Variants in IL5 observed in about 807,000 individuals in gnomAD.
IL5 encodes the protein interleukin-5.
In IL5, 12 loss-of-function variants were observed where a neutral mutation model predicts 16.3. The observed-to-expected ratio is 0.74, with a 90% CI of 0.47 to 1.20. The LOEUF (loss-of-function observed/expected upper bound fraction) is 1.20. IL5 is among the 50% of genes most tolerant of loss of function. The pLI is 0.00. For synonymous variants in IL5, 54 were observed against 56.6 expected (o/e 0.95, Z 0.21); for missense variants, 159 against 153.9 (o/e 1.03, Z -0.17).
chr5:132,546,329 G>C (rs1237345184), upstream of IL5, among the ~76,000 whole-genome samples: 1 of 151,928 alleles, frequency 6.6e-6, no homozygotes, highest in East Asian at 1.9e-4. Context: ...CATTCTCCCA[G>C]CACCTTGCAA....
rs1749691760 is a variant in IL5 at position 132,541,668 on chromosome 5, T to A, written c.*143A>T. 1.1e-5 allele frequency: 6 copies of A among 535,808 alleles called. No individual in the cohort carries two copies. The South Asian group carries it at 1.8e-4, about 16-fold the overall frequency. 33.2% of individuals were successfully genotyped at this position (535,808 alleles called of 1,614,324 possible). A position where few individuals can be genotyped will look rare whatever the true frequency, so the allele number is the denominator to read the frequency against. The stretch of plus-strand genomic sequence containing the variant: ...GAATTTTATGCTTTCTGGCAAAGTG[T>A]CAGTATGCCTGAAATATTTACTTTC... On this transcript the variant is annotated 3_prime_UTR_variant, in exon 4 of 4. Transcript: ENST00000231454.
intron 1 of IL5, 30 bp downstream of exon 1, chr5:132,543,305 A>G (rs764851944): frequency 6.3e-7 from 1 of 1,596,712 alleles, no homozygotes; most frequent in African/African-American, 1.3e-5. Flanking sequence ...TATGCACTTT[A>G]CAGACTGTAG....
upstream of IL5, among the ~76,000 whole-genome samples, chr5:132,544,238 C>T (rs1404383911): frequency 6.6e-6 from 1 of 152,174 alleles, no homozygotes; most frequent in Non-Finnish European, 1.5e-5. Context: ...GTATTCTGTT[C>T]ATGAGCAGCA....
chr5:132,544,670 C>T (rs1305846718), upstream of IL5, among the ~76,000 whole-genome samples: 1 of 152,178 alleles, frequency 6.6e-6, no homozygotes, highest in Non-Finnish European at 1.5e-5. Context: ...TTTTCCCTGG[C>T]CTGAACACAT....
chr5:132,546,788 G>A (rs934636741), upstream of IL5, among the ~76,000 whole-genome samples: 1 of 152,122 alleles, frequency 6.6e-6, no homozygotes, highest in East Asian at 1.9e-4. Context: ...CACTTTGGGA[G>A]GCTGAGGCGG....
chr5:132,552,439 A>AT lies in IL5; in HGVS notation c.42+4234dup, dbSNP rs570508004. Reference sequence around the variant, plus strand: ...TTACTAAGAAGTGGAGACTTCACTGATTTGCCTTTTTATTTTAGGGATTAA... The same window carrying AT: ...TTACTAAGAAGTGGAGACTTCACTGATTTTGCCTTTTTATTTTAGGGATTAA... On this transcript the variant is annotated intron_variant, in intron 1 of 2. Transcript: ENST00000450655. Among the ~76,000 whole-genome samples, 82 of 152,236 alleles carry AT rather than the reference A, an allele frequency of 5.4e-4. No homozygotes were observed. The East Asian group carries it at 0.013, about 23-fold the overall frequency.
chr5:132,546,188 A>G (rs950765823), upstream of IL5, among the ~76,000 whole-genome samples: 7 of 152,108 alleles, frequency 4.6e-5, no homozygotes, highest in Non-Finnish European at 7.4e-5. Flanking sequence ...TATCTTAACC[A>G]TTTTTTTAAG....
upstream of IL5, among the ~76,000 whole-genome samples, chr5:132,545,490 A>G (rs546556254): frequency 6.6e-6 from 1 of 152,234 alleles, no homozygotes; most frequent in African/African-American, 2.4e-5. Context: ...CCATCTCTAG[A>G]AAAAATAAAA....
intron 2 of IL5, among the ~76,000 whole-genome samples, 169 bp from the exon 3 acceptor site, chr5:132,542,312 C>T (rs1259414203): frequency 6.6e-6 from 1 of 152,098 alleles, no homozygotes; most frequent in Non-Finnish European, 1.5e-5. Context: ...CAATTTTGGT[C>T]CACAAAGTTA....
At chr5:132,544,633 G>C (rs1227164159), upstream of IL5, among the ~76,000 whole-genome samples, 1 of 152,164 alleles carries the variant, frequency 6.6e-6, no homozygotes, top group African/African-American at 2.4e-5. Context: ...GTACAAATGA[G>C]GCCCCCTCCT....
At chr5:132,554,133 C>G (rs1422706815) in intron 1 of IL5, among the ~76,000 whole-genome samples, 2 of 151,524 alleles carry the variant, frequency 1.3e-5, no homozygotes, top group Non-Finnish European at 2.9e-5. Context: ...TTTGGGAGGC[C>G]GAGGCGGGTG....
At chr5:132,555,104 T>C (rs1250000136) in intron 1 of IL5, among the ~76,000 whole-genome samples, 1 of 152,156 alleles carries the variant, frequency 6.6e-6, no homozygotes, top group African/African-American at 2.4e-5. Context: ...CCTATGAGAA[T>C]CTAATGCCCC....
chr5:132,555,856 A>T (rs1749974119), intron 1 of IL5, among the ~76,000 whole-genome samples: 1 of 150,862 alleles, frequency 6.6e-6, no homozygotes, highest in South Asian at 2.1e-4. Context: ...TTTTAAAATA[A>T]AAAAAGGTCT....
At chr5:132,548,564 T>C (rs1749831504) in intron 1 of IL5, among the ~76,000 whole-genome samples, 1 of 152,218 alleles carries the variant, frequency 6.6e-6, no homozygotes. Flanking sequence ...AGCCATTGTC[T>C]ATGTGGAGTT....
At chr5:132,549,432 G>A (rs1156238937) in intron 1 of IL5, among the ~76,000 whole-genome samples, 1 of 152,174 alleles carries the variant, frequency 6.6e-6, no homozygotes, top group Non-Finnish European at 1.5e-5. Context: ...CTGGGCAAAA[G>A]AGAGCAAAGC....
At position 132,543,401 on chromosome 5, in the gene IL5, TGTG is replaced by T. The variant is rs755713715; in HGVS notation, c.75_77del (p.Thr26del). ...CCAAGGTCTCTTTCACCAATGCACTTGTGGGAATTTCTGTGGGGATGGCATACA... is the reference window on the plus strand; with the variant it reads ...CCAAGGTCTCTTTCACCAATGCACTTGGAATTTCTGTGGGGATGGCATACA... On this transcript the variant is annotated inframe_deletion, in exon 1 of 4. Transcript: ENST00000231454. 1.5e-5 allele frequency: 25 copies of T among 1,614,200 alleles called. No homozygotes were observed. In the East Asian group the frequency reaches 5.3e-4, roughly 35 times the overall value.
chr5:132,546,487 T>C (rs562082825), upstream of IL5, among the ~76,000 whole-genome samples: 36 of 152,314 alleles, frequency 2.4e-4, no homozygotes, highest in African/African-American at 7.9e-4. Flanking sequence ...ATTTTCTTCC[T>C]TTTTAAGGCT....
intron 1 of IL5, among the ~76,000 whole-genome samples, chr5:132,553,269 G>A (rs1035517363): frequency 6.6e-5 from 10 of 152,134 alleles, no homozygotes; most frequent in Non-Finnish European, 1.3e-4. Flanking sequence ...CCAACCCTGT[G>A]TTGCTGTTAG....
At chr5:132,553,768 C>G (rs1749922034) in intron 1 of IL5, among the ~76,000 whole-genome samples, 2 of 151,532 alleles carry the variant, frequency 1.3e-5, no homozygotes, top group Non-Finnish European at 2.9e-5. Flanking sequence ...AACCCCGTCT[C>G]TACTAAAAAT....
Sources: gnomAD v4.1 joint callset for allele counts (sites outside exome capture counted in the v4.1 genomes callset) on GRCh38, gnomAD v4.1.1 for gene constraint, MANE v1.5 for transcripts, NCBI Gene and HGNC (gene_info 2026-07-23, HGNC 2026-07-21) for gene names.